The following PKN2 variants were observed in gnomAD, a reference collection of about 807,000 sequenced individuals.
PKN2 encodes protein kinase N2, also known as serine/threonine-protein kinase N2.
A neutral mutation model predicts 119.1 loss-of-function variants in PKN2; 38 were observed. The observed-to-expected ratio is 0.32, with a 90% CI of 0.25 to 0.42. The LOEUF (loss-of-function observed/expected upper bound fraction) is 0.42, where lower values mean the gene tolerates loss of function less well. PKN2 is among the 10% of genes least tolerant of loss of function. The probability of loss-of-function intolerance (pLI) is 1.00; values close to 1 mark genes in which losing one functional copy is unlikely to be tolerated. For synonymous variants in PKN2, 390 were observed against 384.9 expected, an observed-to-expected ratio of 1.01 and a Z score of -0.15; for missense variants, 850 against 1,165.1, an observed-to-expected ratio of 0.73 and a Z score of 3.94.
chr1:88,809,927 C>G (rs1333800794), intron 15 of PKN2, among the ~76,000 whole-genome samples: 1 of 151,890 alleles, frequency 6.6e-6, no homozygotes, highest in Non-Finnish European at 1.5e-5. Context: ...TAAATCTCCA[C>G]TTTTCAGTAA....
intron 1 of PKN2, among the ~76,000 whole-genome samples, chr1:88,733,767 A>T (rs927061343): frequency 6.6e-6 from 1 of 152,188 alleles, no homozygotes; most frequent in Admixed American, 6.5e-5. Flanking sequence ...GGATTTTTTC[A>T]GGTTCTGGAA....
chr1:88,715,176 A>C (rs57151754), intron 1 of PKN2, among the ~76,000 whole-genome samples: 1 of 152,162 alleles, frequency 6.6e-6, no homozygotes, highest in East Asian at 1.9e-4. Flanking sequence ...TCGGTTTGCC[A>C]GTATTTTGTT....
chr1:88,687,832 A>G (rs901655023), intron 1 of PKN2, among the ~76,000 whole-genome samples: 1 of 152,226 alleles, frequency 6.6e-6, no homozygotes, highest in Non-Finnish European at 1.5e-5. Context: ...GCTTTCCAGA[A>G]GAGAGTATAG....
At chr1:88,739,435 A>G (rs1023666180) in intron 1 of PKN2, among the ~76,000 whole-genome samples, 1 of 152,172 alleles carries the variant, frequency 6.6e-6, no homozygotes, top group African/African-American at 2.4e-5. Flanking sequence ...CACCCTTTTC[A>G]CTATTTTGCA....
intron 15 of PKN2, among the ~76,000 whole-genome samples, chr1:88,810,923 A>G (rs1468565375): frequency 6.6e-6 from 1 of 152,148 alleles, no homozygotes; most frequent in Non-Finnish European, 1.5e-5. Context: ...ATGATTCTTA[A>G]TGACAGTTCT....
intron 8 of PKN2, 107 bp from the exon 9 acceptor site, chr1:88,804,284 T>C: frequency 3.6e-6 from 3 of 829,386 alleles, no homozygotes; most frequent in Non-Finnish European, 5.6e-6. Flanking sequence ...GTGTGTGTAA[T>C]TTTTGTTTAT....
rs971212204 is a variant in PKN2 at position 88,832,729 on chromosome 1, A to T, written c.2563-15A>T. The T allele has an allele frequency of 3.4e-6, 5 of 1,458,464 alleles. No homozygotes were observed. Among genetic ancestry groups the T allele is most frequent in the Non-Finnish European group, 4.8e-6 (5 of 1,051,306 alleles). 90.3% of individuals were successfully genotyped at this position (1,458,464 alleles called of 1,614,324 possible). The stretch of plus-strand genomic sequence containing the variant: ...TTAAAACTTGCTTTAACTTACTCAA[A>T]GGTATTTCTTCTAGTCTCCCTTTCC... On this transcript the variant is annotated splice_polypyrimidine_tract_variant and intron_variant, in intron 19 of 21. Transcript: ENST00000370521.
intron 8 of PKN2, among the ~76,000 whole-genome samples, chr1:88,797,308 T>C (rs1441608017): frequency 6.8e-6 from 1 of 146,850 alleles, no homozygotes; most frequent in Admixed American, 6.9e-5. Context: ...CACTCCAGCC[T>C]GGGCAACAAG....
intron 6 of PKN2, among the ~76,000 whole-genome samples, chr1:88,775,195 C>A (rs891607292): frequency 5.3e-5 from 8 of 152,082 alleles, no homozygotes; most frequent in Non-Finnish European, 8.8e-5. Flanking sequence ...AACTCCTGGG[C>A]TCGAGCAATC....
chr1:88,824,008 CA>C (rs3061489), intron 17 of PKN2, among the ~76,000 whole-genome samples: 5,160 of 116,968 alleles, frequency 0.044, 144 homozygotes, highest in African/African-American at 0.11. Flanking sequence ...GACTCTGTCT[CA>C]AAAAAAAAAA....
chr1:88,744,444 C>T (rs1403470765), intron 2 of PKN2, among the ~76,000 whole-genome samples: 2 of 152,140 alleles, frequency 1.3e-5, no homozygotes, highest in South Asian at 4.1e-4. Context: ...GTTTTTGAGA[C>T]TGCGTCTCCC....
At chr1:88,805,385 TTTTG>T (rs1173538603) in intron 10 of PKN2, 108 bp from the exon 11 acceptor site, 9 of 923,946 alleles carry the variant, frequency 9.7e-6, no homozygotes, top group South Asian at 2.1e-5. Flanking sequence ...AAGTGACAAA[TTTTG>T]TTTGTTCTTC....
At chr1:88,799,340 T>A (rs189216757) in intron 8 of PKN2, among the ~76,000 whole-genome samples, 5 of 152,208 alleles carry the variant, frequency 3.3e-5, no homozygotes, top group Admixed American at 3.3e-4. Flanking sequence ...AAAGTTTCCC[T>A]CTTTTTGTCA....
At position 88,833,437 on chromosome 1, in the gene PKN2, G is replaced by C; in HGVS notation, c.2944G>C (p.Asp982His). The change falls in exon 22 of 22, where the codon GAT (aspartate) becomes CAT (histidine). Residue 982 changes from aspartate (D) to histidine (H), a missense_variant. Asp to His is a moderately conservative substitution (Grantham distance 81). Around this residue, in one of 9 missense-constraint regions of PKN2, gnomAD observed 52 missense variants for 39.9 expected, o/e 1.30. Coordinates refer to ENST00000370521, the MANE Select transcript of PKN2 (RefSeq NM_006256.4). ...GTTCAGAGATTTTGACTACATTGCT[G>C]ATTGGTGTTAAGTTGCTAGACACTG... ...EMFRDFDYIA[D>H]WC 1 of 1,612,914 alleles carries C rather than the reference G, an allele frequency of 6.2e-7. No individual in the cohort carries two copies. Among genetic ancestry groups the C allele is most frequent in the Non-Finnish European group, 8.5e-7 (1 of 1,179,114 alleles).
intron 1 of PKN2, among the ~76,000 whole-genome samples, chr1:88,701,024 A>G (rs1157663351): frequency 6.6e-6 from 1 of 152,204 alleles, no homozygotes; most frequent in African/African-American, 2.4e-5. Context: ...CACATCTCAG[A>G]CTGAGATTTT....
chr1:88,812,924 A>G (rs1671837555), intron 15 of PKN2, among the ~76,000 whole-genome samples: 1 of 152,206 alleles, frequency 6.6e-6, no homozygotes, highest in South Asian at 2.1e-4. Flanking sequence ...TTTTTAGTAC[A>G]TTATTTTCTA....
At chr1:88,716,504 T>C (rs1483476122) in intron 1 of PKN2, among the ~76,000 whole-genome samples, 2 of 152,224 alleles carry the variant, frequency 1.3e-5, no homozygotes, top group Non-Finnish European at 2.9e-5. Context: ...ATATTTAAGA[T>C]AGTTAGCTCT....
chr1:88,784,791 A>C lies in PKN2; in HGVS notation c.1138A>C (p.Ser380Arg), dbSNP rs964069976. 4.3e-6 allele frequency: 7 copies of C among 1,611,006 alleles called. No homozygotes were observed. Among genetic ancestry groups the C allele is most frequent in the Non-Finnish European group, 5.9e-6 (7 of 1,178,524 alleles). Residue 380 changes from serine to arginine, a missense_variant, in exon 7 of 22, where the codon AGT (serine) becomes CGT (arginine). Coordinates refer to ENST00000370521, the MANE Select transcript of PKN2 (RefSeq NM_006256.4). ...SRTSKSKSGSSRNLLKTDDLS... is the reference protein window; with the variant it reads ...SRTSKSKSGSRRNLLKTDDLS... ...AACGAGTAAAAGTAAAAGCGGAAGT[A>C]GTCGAAATCTTCTAAAAACCGATGA...
Position 88,771,478 on chromosome 1 carries a change from G to A in PKN2, c.680G>A (p.Arg227Lys). ...LRMEELRHHFRIEFAVAEGAK... is the reference protein window; with the variant it reads ...LRMEELRHHFKIEFAVAEGAK... ...ATGGAAGAATTAAGGCATCATTTTA[G>A]GATAGAGTTTGCAGTAGCAGAAGGT... The change falls in exon 5 of 22, where the codon AGG becomes AAG. Residue 227 changes from arginine (R) to lysine (K), a missense_variant. Physicochemically the swap from Arg to Lys is conservative, Grantham distance 26. This residue lies in a region of PKN2 where 350 missense variants were observed against 511.1 expected (regional missense o/e 0.68). Transcript: ENST00000370521. 1 of 1,609,892 alleles carries A rather than the reference G, an allele frequency of 6.2e-7. No individual in the cohort carries two copies. Among genetic ancestry groups the A allele is most frequent in the South Asian group, 1.1e-5 (1 of 90,014 alleles).
Sources: gnomAD v4.1 joint callset for allele counts (sites outside exome capture counted in the v4.1 genomes callset) on GRCh38, gnomAD v4.1.1 for gene constraint, gnomAD v4.1.1 regional missense constraint, MANE v1.5 for transcripts, NCBI Gene and HGNC (gene_info 2026-07-23, HGNC 2026-07-21) for gene names.